CNTN6: variants seen among roughly 807,000 people sequenced by gnomAD.
CNTN6 encodes contactin 6, also known as contactin-6.
A neutral mutation model predicts 122.8 loss-of-function variants in CNTN6; 137 were observed. That is an observed-to-expected ratio of 1.12 (90% CI 0.97 to 1.29). CNTN6 has a LOEUF of 1.29. Among genes scored for constraint, CNTN6 ranks in the 50% most tolerant of loss-of-function variants. The pLI is 0.00. For missense variants in CNTN6, 1,634 were observed against 1,223.4 expected (o/e 1.34, Z -5.01); for synonymous variants, 570 against 426.0 (o/e 1.34, Z -4.16).
chr3:1,095,554 AAG>A (rs2090484102), intron 1 of CNTN6, among the ~76,000 whole-genome samples: 5 of 152,214 alleles, frequency 3.3e-5, no homozygotes, highest in Admixed American at 3.3e-4. Flanking sequence ...AAACTGAAAA[AAG>A]AGAAGTTGAA....
At chr3:1,239,675 C>A (rs1343192600) in intron 4 of CNTN6, among the ~76,000 whole-genome samples, 2 of 152,054 alleles carry the variant, frequency 1.3e-5, no homozygotes, top group Non-Finnish European at 2.9e-5. Flanking sequence ...AAAAACAATC[C>A]TAAAATTTAC....
chr3:1,104,645 A>G (rs1183077900), intron 1 of CNTN6, among the ~76,000 whole-genome samples: 1 of 152,164 alleles, frequency 6.6e-6, no homozygotes, highest in Non-Finnish European at 1.5e-5. Flanking sequence ...TTATAAAATC[A>G]TATATGTTTA....
At chr3:1,289,782 C>G (rs1694986303) in intron 5 of CNTN6, among the ~76,000 whole-genome samples, 1 of 151,090 alleles carries the variant, frequency 6.6e-6, no homozygotes, top group Admixed American at 6.6e-5. Flanking sequence ...TCCCGCCATT[C>G]TCCTGCCTCA....
intron 11 of CNTN6, among the ~76,000 whole-genome samples, chr3:1,342,598 A>G (rs763332480): frequency 6.6e-6 from 1 of 152,088 alleles, no homozygotes; most frequent in African/African-American, 2.4e-5. Flanking sequence ...ATAACTCAAT[A>G]CAGCTGCCCA....
Position 1,383,387 on chromosome 3 carries a change from T to A in CNTN6, c.2496T>A (p.Thr832=), listed in dbSNP as rs766324810. 1.5e-5 allele frequency: 24 copies of A among 1,613,720 alleles called. 1 individual carries two copies. In the South Asian group the frequency reaches 2.6e-4, roughly 18 times the overall value. ...SWNAIAWNRN[T]GRVLGYEVLY... ...ATGCTATTGCCTGGAATAGAAACACTGGAAGAGTGCTGGGCTATGAGGTAA... is the reference window on the plus strand; with the variant it reads ...ATGCTATTGCCTGGAATAGAAACACAGGAAGAGTGCTGGGCTATGAGGTAA... Residue 832 remains threonine (T), a synonymous_variant, in exon 19 of 23, where the codon ACT becomes ACA. Coordinates refer to ENST00000446702, the MANE Select transcript of CNTN6 (RefSeq NM_001289080.2).
rs186939361 is a variant in CNTN6, at chr3:1,331,290, A to G, written c.1364+1355A>G. ...GGAATTATGTCACATTTATCTTTGT[A>G]TGTCCTGTGCCTTGGCACAGAACCA... On this transcript the variant is annotated intron_variant, in intron 11 of 22. Transcript: ENST00000446702. 8.5e-5 allele frequency among the ~76,000 whole-genome samples: 13 copies of G among 152,128 alleles called. No individual in the cohort carries two copies. In the East Asian group the frequency reaches 2.5e-3, roughly 29 times the overall value.
chr3:1,326,313 C>A (rs1311781968), intron 9 of CNTN6, among the ~76,000 whole-genome samples: 1 of 151,732 alleles, frequency 6.6e-6, no homozygotes, highest in Admixed American at 6.6e-5. Context: ...TATCTTATTG[C>A]ACCCTCATGA....
intron 7 of CNTN6, among the ~76,000 whole-genome samples, chr3:1,299,167 A>G (rs1696785318): frequency 6.6e-6 from 1 of 152,204 alleles, no homozygotes; most frequent in Admixed American, 6.5e-5. Context: ...TCAAATAAAT[A>G]ATTATTGATT....
chr3:1,183,192 T>C (rs1350181777), intron 2 of CNTN6, among the ~76,000 whole-genome samples: 1 of 152,136 alleles, frequency 6.6e-6, no homozygotes, highest in African/African-American at 2.4e-5. Flanking sequence ...AGAAATAGTA[T>C]TCATTCTAAC....
intron 4 of CNTN6, among the ~76,000 whole-genome samples, chr3:1,253,207 C>A (rs1459950321): frequency 6.6e-6 from 1 of 152,196 alleles, no homozygotes; most frequent in Non-Finnish European, 1.5e-5. Context: ...TACCACCTCT[C>A]CTTACCAAGC....
intron 22 of CNTN6, 83 bp from the exon 23 acceptor site, chr3:1,403,235 T>C (rs1695956519): frequency 1.3e-6 from 1 of 748,936 alleles, no homozygotes; most frequent in Non-Finnish European, 2.2e-6. Context: ...GAAATGATAG[T>C]ATGAAATTGG....
rs953529369 is a variant in CNTN6 at position 1,255,700 on chromosome 3, G to A, written c.359-22713G>A. On this transcript the variant is annotated intron_variant, in intron 4 of 22. Transcript: ENST00000446702. ...ATTTTTATTATTTCTTAGAGTCAAG[G>A]TCTCACTCTATTGCCCAGCTTGAGT... Among the ~76,000 whole-genome samples the A allele has an allele frequency of 5.8e-4, 88 of 151,796 alleles. 1 individual carries two copies. The highest frequency in any genetic ancestry group is 2.1e-4 in the South Asian group (1 of 4,804).
At chr3:1,238,946 G>C (rs1192254795) in intron 4 of CNTN6, among the ~76,000 whole-genome samples, 1 of 152,140 alleles carries the variant, frequency 6.6e-6, no homozygotes, top group Non-Finnish European at 1.5e-5. Context: ...TATTAGAAAT[G>C]AAGCGGGAGA....
Position 1,306,572 on chromosome 3 carries a change from G to C in CNTN6, c.761+8581G>C, listed in dbSNP as rs946447649. On this transcript the variant is annotated intron_variant, in intron 7 of 22. Coordinates refer to ENST00000446702, the MANE Select transcript of CNTN6 (RefSeq NM_001289080.2). ...TAAGTTCAAATAGAGCAGGATTGGA[G>C]TCTTAACTTCACTTGTCAATAGCTG... Among the ~76,000 whole-genome samples the C allele has an allele frequency of 2.0e-5, 3 of 152,140 alleles. No individual in the cohort carries two copies. In the East Asian group the frequency reaches 5.8e-4, roughly 29 times the overall value.
intron 4 of CNTN6, among the ~76,000 whole-genome samples, chr3:1,243,628 AAG>A: frequency 6.6e-6 from 1 of 152,232 alleles, no homozygotes; most frequent in East Asian, 1.9e-4. Flanking sequence ...TTTGATGAAA[AAG>A]AGCCTAAACG....
chr3:1,171,591 T>C (rs1391230864), intron 2 of CNTN6, among the ~76,000 whole-genome samples: 2 of 152,146 alleles, frequency 1.3e-5, no homozygotes, highest in African/African-American at 2.4e-5. Context: ...AAAAGTACCT[T>C]CGATTGAGAA....
Position 1,163,949 on chromosome 3 carries a change from C to T in CNTN6, c.55+15886C>T, listed in dbSNP as rs138488749. The stretch of plus-strand genomic sequence containing the variant: ...ATTGAAGAGCAGGGGAAATCTGCAC[C>T]AGGAAACAACAAGTTTCACTAGACT... On this transcript the variant is annotated intron_variant, in intron 2 of 22. Transcript: ENST00000446702. 1.5e-3 allele frequency among the ~76,000 whole-genome samples: 223 copies of T among 152,284 alleles called. 1 individual carries two copies. The highest frequency in any genetic ancestry group is 5.3e-3 in the African/African-American group (219 of 41,572).
chr3:1,384,964 C>G (rs17029092), intron 19 of CNTN6, among the ~76,000 whole-genome samples: 94,785 of 151,206 alleles, frequency 0.63, 31,547 homozygotes, highest in East Asian at 0.85. Flanking sequence ...CGCCTCTTCT[C>G]TCTGAGCTCT....
intron 7 of CNTN6, among the ~76,000 whole-genome samples, chr3:1,302,968 G>C (rs1425845668): frequency 1.3e-5 from 2 of 151,624 alleles, no homozygotes; most frequent in Non-Finnish European, 2.9e-5. Context: ...TTGCATCTCA[G>C]TTTGGGAGGT....
Sources: allele counts gnomAD v4.1 joint callset (sites outside exome capture counted in the v4.1 genomes callset), GRCh38; gene constraint gnomAD v4.1.1; transcripts MANE v1.5; gene names NCBI Gene and HGNC (gene_info 2026-07-23, HGNC 2026-07-21).